Variants in AKAP6 observed in about 807,000 individuals in gnomAD.
The protein encoded by AKAP6 is A-kinase anchor protein 6.
In AKAP6, 58 loss-of-function variants were observed where a neutral mutation model predicts 188.5. The observed-to-expected ratio is 0.31, with a 90% CI of 0.25 to 0.38. The LOEUF is 0.38. AKAP6 is among the 10% of genes least tolerant of loss of function. AKAP6 has a pLI of 1.00. For synonymous variants in AKAP6, 989 were observed against 998.6 expected (o/e 0.99, Z 0.18); for missense variants, 2,710 against 2,740.0 (o/e 0.99, Z 0.24).
intron 2 of AKAP6, among the ~76,000 whole-genome samples, chr14:32,454,586 C>T (rs1891055460): frequency 6.6e-6 from 1 of 152,034 alleles, no homozygotes; most frequent in Non-Finnish European, 1.5e-5. Context: ...CTGGAGCAGA[C>T]CAGCAGGAAG....
intron 4 of AKAP6, among the ~76,000 whole-genome samples, chr14:32,573,131 A>C (rs1377159448): frequency 1.3e-5 from 2 of 152,212 alleles, no homozygotes; most frequent in East Asian, 1.9e-4. Context: ...AAGAAGCAGC[A>C]GAAAGGGACA....
At chr14:32,393,792 A>C (rs1461624961) in intron 1 of AKAP6, among the ~76,000 whole-genome samples, 2 of 152,172 alleles carry the variant, frequency 1.3e-5, no homozygotes, top group Non-Finnish European at 2.9e-5. Flanking sequence ...ATAATAATAG[A>C]GAAGAAAGTA....
At chr14:32,482,004 C>G (rs1879375864) in intron 2 of AKAP6, among the ~76,000 whole-genome samples, 1 of 152,052 alleles carries the variant, frequency 6.6e-6, no homozygotes, top group African/African-American at 2.4e-5. Context: ...AATTGAAGGG[C>G]CTTCTTGGTT....
At chr14:32,715,809 T>C (rs1335928535) in intron 9 of AKAP6, among the ~76,000 whole-genome samples, 1 of 151,920 alleles carries the variant, frequency 6.6e-6, no homozygotes, top group Non-Finnish European at 1.5e-5. Flanking sequence ...AGATTCAATG[T>C]TTCATATAGT....
At chr14:32,413,424 C>T (rs183284744) in intron 1 of AKAP6, among the ~76,000 whole-genome samples, 217 of 152,180 alleles carry the variant, frequency 1.4e-3, no homozygotes, top group African/African-American at 5.1e-3. Flanking sequence ...CTCAAGTGAT[C>T]TCCTGCCTTT....
intron 2 of AKAP6, among the ~76,000 whole-genome samples, chr14:32,456,720 G>A (rs965770558): frequency 2.0e-5 from 3 of 149,204 alleles, no homozygotes; most frequent in Admixed American, 1.4e-4. Context: ...GACTGGTCGT[G>A]ACCAGAGTCA....
At chr14:32,776,608 C>T (rs2033074091) in intron 12 of AKAP6, among the ~76,000 whole-genome samples, 1 of 152,212 alleles carries the variant, frequency 6.6e-6, no homozygotes, top group African/African-American at 2.4e-5. Context: ...TAAGTATTTG[C>T]TGAATGAATG....
intron 2 of AKAP6, among the ~76,000 whole-genome samples, chr14:32,450,481 A>G (rs1302728899): frequency 6.6e-6 from 1 of 152,232 alleles, no homozygotes; most frequent in South Asian, 2.1e-4. Context: ...TGCAAGGGGC[A>G]GGGCATATTT....
chr14:32,360,600 G>A (rs188644014), intron 1 of AKAP6, among the ~76,000 whole-genome samples: 9 of 151,738 alleles, frequency 5.9e-5, no homozygotes, highest in Admixed American at 5.9e-4. Flanking sequence ...TTATTCAATC[G>A]TTTATATCAG....
chr14:32,787,831 A>AT (rs1474416451), intron 12 of AKAP6, among the ~76,000 whole-genome samples: 13 of 152,060 alleles, frequency 8.5e-5, no homozygotes, highest in East Asian at 1.9e-4. Context: ...ATCCCTCACC[A>AT]TTTTTTTCAA....
intron 11 of AKAP6, among the ~76,000 whole-genome samples, chr14:32,744,306 ATTATT>A (rs574134264): frequency 6.8e-6 from 1 of 148,114 alleles, no homozygotes. Context: ...TTTTTTTTTA[ATTATT>A]TTATTTTATT....
At position 32,678,653 on chromosome 14, in the gene AKAP6, C is replaced by T. The variant is rs75669604; in HGVS notation, c.2879+194C>T. Among the ~76,000 whole-genome samples, 361 of 152,250 alleles carry T rather than the reference C, an allele frequency of 2.4e-3. 12 individuals are homozygous for T. In the East Asian group the frequency reaches 0.059, roughly 25 times the overall value. On this transcript the variant is annotated intron_variant, in intron 8 of 13. Coordinates refer to ENST00000280979, the MANE Select transcript of AKAP6 (RefSeq NM_004274.5). ...GATTTCATCAGCCTCTGCCATCTAACCCAGAACTTTCTGACTCATTATTAA... is the reference window on the plus strand; with the variant it reads ...GATTTCATCAGCCTCTGCCATCTAATCCAGAACTTTCTGACTCATTATTAA...
rs1364594740 is a variant in AKAP6, at chr14:32,821,828, C to T, written c.4015C>T (p.Leu1339Phe). ...SFSSTKSLPD[L>F]LGGSNLVKPC... is the part of the protein sequence containing the mutation. ...TTCATCTACCAAATCTTTGCCAGATCTTCTAGGTGGTTCCAATTTGGTAAA... is the reference window on the plus strand; with the variant it reads ...TTCATCTACCAAATCTTTGCCAGATTTTCTAGGTGGTTCCAATTTGGTAAA... The change falls in exon 13 of 14, where the codon CTT becomes TTT. Residue 1339 changes from leucine (L) to phenylalanine (F), a missense_variant. Transcript: ENST00000280979. 6.2e-7 allele frequency: 1 copy of T among 1,613,858 alleles called. No individual in the cohort carries two copies. The highest frequency in any genetic ancestry group is 1.7e-5 in the Admixed American group (1 of 59,910).
intron 9 of AKAP6, among the ~76,000 whole-genome samples, chr14:32,727,543 A>G (rs936957182): frequency 6.6e-6 from 1 of 152,214 alleles, no homozygotes; most frequent in African/African-American, 2.4e-5. Context: ...AATGCAATCT[A>G]TGTCCAATTA....
At chr14:32,807,209 A>G (rs982014643) in intron 12 of AKAP6, among the ~76,000 whole-genome samples, 2 of 151,806 alleles carry the variant, frequency 1.3e-5, no homozygotes, top group Non-Finnish European at 1.5e-5. Context: ...TTAGCCAGGC[A>G]TGGTGGCACA....
chr14:32,742,884 A>C (rs1640538464), intron 11 of AKAP6, among the ~76,000 whole-genome samples: 1 of 152,178 alleles, frequency 6.6e-6, no homozygotes, highest in East Asian at 1.9e-4. Context: ...TATTAGATCC[A>C]TTTGGTCTAT....
At chr14:32,562,248 A>C (rs1362748235) in intron 4 of AKAP6, among the ~76,000 whole-genome samples, 19 of 151,998 alleles carry the variant, frequency 1.3e-4, no homozygotes, top group Non-Finnish European at 2.2e-4. Flanking sequence ...TTTATAGATG[A>C]TACTCATATT....
chr14:32,347,651 C>T (rs1261403303), intron 1 of AKAP6, among the ~76,000 whole-genome samples: 2 of 152,222 alleles, frequency 1.3e-5, no homozygotes, highest in East Asian at 3.9e-4. Context: ...GGATAAGACA[C>T]TGAACCCAAA....
chr14:32,819,809 A>G (rs958852008), intron 12 of AKAP6, among the ~76,000 whole-genome samples: 1 of 152,102 alleles, frequency 6.6e-6, no homozygotes, highest in Non-Finnish European at 1.5e-5. Flanking sequence ...TTAGCCAGGT[A>G]CGGTGGCACG....
Sources: gnomAD v4.1 joint callset for allele counts (sites outside exome capture counted in the v4.1 genomes callset) on GRCh38, gnomAD v4.1.1 for gene constraint, MANE v1.5 for transcripts, NCBI Gene and HGNC (gene_info 2026-07-23, HGNC 2026-07-21) for gene names.